The following DMD variants were observed in gnomAD, a reference collection of about 807,000 sequenced individuals.
DMD encodes the protein dystrophin, also known as mutant dystrophin.
DMD carries 63 observed loss-of-function variants against 330.1 expected under a neutral mutation model. The ratio of observed to expected loss-of-function variants is 0.19; its 90% CI spans 0.16 to 0.24. DMD has a LOEUF of 0.24. DMD is among the 10% of genes least tolerant of loss of function. The probability of loss-of-function intolerance (pLI) is 1.00; values close to 1 mark genes in which losing one functional copy is unlikely to be tolerated. For missense variants in DMD, 3,344 were observed against 2,684.1 expected (o/e 1.25, Z -5.43); for synonymous variants, 1,223 against 959.8 (o/e 1.27, Z -5.07).
At chrX:32,796,336 G>A (rs1281205227) in intron 7 of DMD, among the ~76,000 whole-genome samples, 1 of 111,283 alleles carries the variant, frequency 9.0e-6, no homozygotes. Flanking sequence ...GAAACTGCAG[G>A]TTATTAAGTG....
At chrX:31,349,574 A>C (rs1041253618) in intron 60 of DMD, among the ~76,000 whole-genome samples, 8 of 112,160 alleles carry the variant, frequency 7.1e-5, no homozygotes, top group Non-Finnish European at 1.3e-4. Flanking sequence ...CATGCAGTGA[A>C]AACTGCCATT....
intron 9 of DMD, among the ~76,000 whole-genome samples, chrX:32,683,771 T>TAC (rs895233892): frequency 1.9e-5 from 2 of 102,635 alleles, no homozygotes; most frequent in African/African-American, 7.8e-5. Flanking sequence ...TGTGCACATG[T>TAC]ACCCTAAAAG....
intron 61 of DMD, among the ~76,000 whole-genome samples, chrX:31,347,394 C>T (rs187095526): frequency 0.014 from 1,520 of 111,282 alleles, 26 homozygotes; most frequent in African/African-American, 0.048. Flanking sequence ...TTTATCTCCC[C>T]CTCTACCCAC....
At chrX:32,202,994 A>G (rs1168339786) in intron 44 of DMD, among the ~76,000 whole-genome samples, 26 of 112,060 alleles carry the variant, frequency 2.3e-4, no homozygotes, top group Admixed American at 2.3e-3. Context: ...ACTGTGGTTT[A>G]TAGGCTAAAA....
intron 11 of DMD, among the ~76,000 whole-genome samples, chrX:32,626,623 A>G (rs575054701): frequency 2.9e-5 from 3 of 104,757 alleles, no homozygotes; most frequent in South Asian, 7.7e-4. Flanking sequence ...AATTTTTAAA[A>G]TCAACTTTGT....
chrX:32,648,380 G>A (rs2059916001), intron 9 of DMD, among the ~76,000 whole-genome samples: 1 of 111,700 alleles, frequency 9.0e-6, no homozygotes, highest in South Asian at 3.6e-4. Flanking sequence ...ATAGACTATT[G>A]TTTTTCAAAT....
chrX:33,141,492 AC>A (rs1489532616), intron 1 of DMD, among the ~76,000 whole-genome samples: 2 of 111,550 alleles, frequency 1.8e-5, no homozygotes, highest in Non-Finnish European at 3.8e-5. Context: ...TGACTTGTGC[AC>A]TCAAAATGCA....
At chrX:32,201,560 ACTT>A (rs1290078051) in intron 44 of DMD, among the ~76,000 whole-genome samples, 1 of 107,373 alleles carries the variant, frequency 9.3e-6, no homozygotes, top group African/African-American at 3.4e-5. Context: ...TAAAGAGTAG[ACTT>A]CTTATTTCAT....
rs2076743361 is a variant in DMD, at chrX:32,803,602, T to C, written c.649+5891A>G. On this transcript the variant is annotated intron_variant, in intron 7 of 78. Transcript: ENST00000357033. ...TTTCTCCTGTGGGCATTTAGTGCTA[T>C]AAATTTCCCTCTTCTAAACACTTCT... Among the ~76,000 whole-genome samples the C allele has an allele frequency of 8.0e-5, 9 of 112,049 alleles. No individual in the cohort carries two copies. In the Admixed American group the frequency reaches 8.5e-4, roughly 11 times the overall value.
chrX:32,891,434 A>AT (rs2085190645), intron 2 of DMD, among the ~76,000 whole-genome samples: 1 of 112,412 alleles, frequency 8.9e-6, no homozygotes, highest in Non-Finnish European at 1.9e-5. Context: ...ATGCAAAGTG[A>AT]TTTTTAAAAG....
Position 32,364,627 on chromosome X carries a change from A to G in DMD, c.5109T>C (p.Asp1703=), listed in dbSNP as rs141086798. ...KWIIQADTLL[D]ESEKKKPQQK... ...GCTGGGGTTTCTTTTTCTCTGATTC[A>G]TCCAAAAGTGTGTCAGCCTGAATGA... Residue 1703 remains aspartate, a synonymous_variant, in exon 36 of 79, where the codon GAT becomes GAC. Transcript: ENST00000357033. 1.2e-5 allele frequency: 15 copies of G among 1,209,104 alleles called. No individual in the cohort carries two copies. Among genetic ancestry groups the G allele is most frequent in the African/African-American group, 1.8e-5 (1 of 57,142 alleles).
At chrX:32,395,487 G>A (rs1290520289) in intron 30 of DMD, among the ~76,000 whole-genome samples, 1 of 110,737 alleles carries the variant, frequency 9.0e-6, no homozygotes, top group Non-Finnish European at 1.9e-5. Context: ...CAAGTTAATG[G>A]GTGCAGCACA....
intron 1 of DMD, among the ~76,000 whole-genome samples, chrX:33,148,005 T>C (rs1455221458): frequency 1.8e-5 from 2 of 111,954 alleles, no homozygotes; most frequent in Non-Finnish European, 3.8e-5. Flanking sequence ...TTAAAGTTCA[T>C]GTTGCACTTG....
intron 11 of DMD, among the ~76,000 whole-genome samples, chrX:32,615,512 T>C (rs1339261374): frequency 8.9e-6 from 1 of 111,959 alleles, no homozygotes; most frequent in Non-Finnish European, 1.9e-5. Context: ...CTGATGGTTA[T>C]TTTAAAGGAA....
intron 17 of DMD, among the ~76,000 whole-genome samples, chrX:32,537,394 T>G (rs185396096): frequency 1.5e-4 from 17 of 111,291 alleles, no homozygotes; most frequent in Non-Finnish European, 2.8e-4. Flanking sequence ...AAATCACAAT[T>G]TGAGTCTTAT....
intron 29 of DMD, among the ~76,000 whole-genome samples, chrX:32,418,797 C>G (rs1477700753): frequency 4.6e-5 from 5 of 108,091 alleles, no homozygotes; most frequent in Non-Finnish European, 7.6e-5. Flanking sequence ...CACGGTGAAA[C>G]CCTGTTTCTA....
At chrX:31,629,343 A>G (rs1603430498) in intron 54 of DMD, among the ~76,000 whole-genome samples, 1 of 111,566 alleles carries the variant, frequency 9.0e-6, no homozygotes, top group East Asian at 2.9e-4. Context: ...TTTATTCATC[A>G]TGGGTGAGGT....
At chrX:31,516,945 G>T (rs1449182402) in intron 55 of DMD, among the ~76,000 whole-genome samples, 1 of 111,278 alleles carries the variant, frequency 9.0e-6, no homozygotes, top group Non-Finnish European at 1.9e-5. Flanking sequence ...CCGAACTCTG[G>T]TAATACGTGA....
rs752194333 is a variant in DMD at position 32,782,234 on chromosome X, G to A, written c.649+27259C>T. 6.3e-5 allele frequency among the ~76,000 whole-genome samples: 7 copies of A among 111,139 alleles called. No individual in the cohort carries two copies. The South Asian group carries it at 2.6e-3, about 41-fold the overall frequency. ...TAAATATTATCATTAAAAATCACTA[G>A]AATATCAAAAAAACAGCCTACAGAC... On this transcript the variant is annotated intron_variant, in intron 7 of 78. Transcript: ENST00000357033.
Sources: gnomAD v4.1 joint callset for allele counts (sites outside exome capture counted in the v4.1 genomes callset) on GRCh38, gnomAD v4.1.1 for gene constraint, MANE v1.5 for transcripts, NCBI Gene and HGNC (gene_info 2026-07-23, HGNC 2026-07-21) for gene names.